The following AACS variants were observed in gnomAD, a reference collection of about 807,000 sequenced individuals.
The protein encoded by AACS is acetoacetate-CoA ligase.
A neutral mutation model predicts 83.1 loss-of-function variants in AACS; 69 were observed. That is an observed-to-expected ratio of 0.83 (90% CI 0.68 to 1.01). The LOEUF (loss-of-function observed/expected upper bound fraction) is 1.01. Ranked by LOEUF, AACS falls within the 50% of genes least tolerant of loss-of-function variation. The pLI is 0.00. For missense variants in AACS, 866 were observed against 882.2 expected (o/e 0.98, Z 0.23); for synonymous variants, 333 against 343.4 (o/e 0.97, Z 0.33).
chr12:125,126,660 C>A (rs1185878075), intron 12 of AACS: 1 of 151,524 alleles, frequency 6.6e-6, no homozygotes, highest in Non-Finnish European at 1.5e-5. Flanking sequence ...TGGCTTACTG[C>A]AGCCTCCACC....
intron 14 of AACS, among the ~76,000 whole-genome samples, chr12:125,133,084 T>C (rs1233989682): frequency 6.6e-6 from 1 of 152,254 alleles, no homozygotes; most frequent in African/African-American, 2.4e-5. Context: ...CTGAGGCAGA[T>C]GACTTCTGGC....
chr12:125,089,871 T>C (rs1355314534), intron 4 of AACS, among the ~76,000 whole-genome samples: 1 of 150,688 alleles, frequency 6.6e-6, no homozygotes, highest in Non-Finnish European at 1.5e-5. Context: ...CCATCCTGTC[T>C]ATACATTCTT....
At chr12:125,091,616 A>G in intron 5 of AACS, 93 bp downstream of exon 5, 2 of 1,296,776 alleles carry the variant, frequency 1.5e-6, no homozygotes, top group East Asian at 2.4e-5. Context: ...GGAGCCGGAC[A>G]GCAGCGTGAG....
chr12:125,104,627 A>G (rs1366051767), intron 7 of AACS, among the ~76,000 whole-genome samples: 1 of 152,120 alleles, frequency 6.6e-6, no homozygotes, highest in Non-Finnish European at 1.5e-5. Context: ...CTGTGTGTGC[A>G]GGGCATATTC....
intron 3 of AACS, among the ~76,000 whole-genome samples, chr12:125,085,021 A>G (rs1346376440): frequency 2.6e-5 from 4 of 151,860 alleles, no homozygotes; most frequent in Admixed American, 6.6e-5. Context: ...CCTATATAAC[A>G]TTCTTGAAAT....
In AACS at chr12:125,143,054, A is replaced by C. The variant is rs923913928; in HGVS notation, c.*825A>C. On this transcript the variant is annotated 3_prime_UTR_variant, in exon 18 of 18. Coordinates refer to ENST00000316519, the MANE Select transcript of AACS (RefSeq NM_023928.5). ...CGCATCCCTGTGCTGCCTCCACCTG[A>C]GAGTTGCTAGGGGGTTCTTGTCGAG... is the stretch of plus-strand genomic sequence containing the variant. The C allele has an allele frequency of 5.3e-5, 8 of 152,128 alleles. No individual in the cohort carries two copies. The highest frequency in any genetic ancestry group is 1.9e-4 in the African/African-American group (8 of 41,400). The allele number at this position is 152,128 out of a possible 1,614,324, so 9.4% of individuals were successfully genotyped here.
At chr12:125,133,937 CTGTCCAG>C (rs1164786303) in intron 14 of AACS, 59 bp from the exon 15 acceptor site, 2 of 1,544,104 alleles carry the variant, frequency 1.3e-6, no homozygotes, top group African/African-American at 2.7e-5. Context: ...CACCCAGCGT[CTGTCCAG>C]GCAGCCTGTC....
At position 125,065,701 on chromosome 12, in the gene AACS, C is replaced by G. The variant is rs1471745041; in HGVS notation, c.117C>G (p.Ala39=). ...GCTTCCGGGCGGCTGTGGGCGCCGC[C>G]TGCGGCCTGGCGCTGGGTGAGAGTC... The part of the protein sequence containing the change: ...MDRFRAAVGA[A]CGLALESYDD... The change falls in exon 1 of 18, where the codon GCC becomes GCG. Residue 39 remains alanine, a synonymous_variant. Transcript: ENST00000316519. 3 of 1,539,574 alleles carry G rather than the reference C, an allele frequency of 1.9e-6. No individual in the cohort carries two copies. The highest frequency in any genetic ancestry group is 2.6e-6 in the Non-Finnish European group (3 of 1,142,432).
At position 125,107,245 on chromosome 12, in the gene AACS, A is replaced by G. The variant is rs1424192352; in HGVS notation, c.892A>G (p.Lys298Glu). 6.2e-7 allele frequency: 1 copy of G among 1,613,948 alleles called. No homozygotes were observed. The highest frequency in any genetic ancestry group is 8.5e-7 in the Non-Finnish European group (1 of 1,180,030). Residue 298 changes from lysine (K) to glutamate (E), a missense_variant, in exon 8 of 18, where the codon AAG (lysine) becomes GAG (glutamate). Transcript: ENST00000316519. Reference sequence around the variant, plus strand: ...CTCATCGGGCACCACGGGCGCACCCAAGTGCATGGTGCATTCCGCTGGGGT... The same window carrying G: ...CTCATCGGGCACCACGGGCGCACCCGAGTGCATGGTGCATTCCGCTGGGGT... ...MFSSGTTGAP[K>E]CMVHSAGGTL...
intron 5 of AACS, 77 bp downstream of exon 5, chr12:125,091,600 C>T (rs1260911450): frequency 6.9e-7 from 1 of 1,459,512 alleles, no homozygotes; most frequent in African/African-American, 1.4e-5. Flanking sequence ...GGGCTGAATT[C>T]CCAGGGGAGC....
intron 4 of AACS, among the ~76,000 whole-genome samples, chr12:125,087,794 G>A (rs772746895): frequency 6.6e-6 from 1 of 152,138 alleles, no homozygotes; most frequent in Non-Finnish European, 1.5e-5. Flanking sequence ...ACCCTGCCCC[G>A]CCTCCCCCTT....
chr12:125,125,141 G>T, intron 12 of AACS, 117 bp downstream of exon 12: 1 of 1,445,904 alleles, frequency 6.9e-7, no homozygotes, highest in Non-Finnish European at 9.4e-7. Flanking sequence ...CAGCCAATAC[G>T]CACAGTCCCT....
intron 17 of AACS, chr12:125,138,883 G>C (rs1000645992): frequency 1.3e-5 from 2 of 152,242 alleles, no homozygotes; most frequent in Non-Finnish European, 2.9e-5. Flanking sequence ...GTGACACGGC[G>C]TGGCCCCAGC....
chr12:125,104,473 C>G (rs1956790576), intron 7 of AACS, among the ~76,000 whole-genome samples: 1 of 152,208 alleles, frequency 6.6e-6, no homozygotes, highest in Non-Finnish European at 1.5e-5. Flanking sequence ...GACCCACCTG[C>G]AGGGAGGTTG....
At chr12:125,103,569 G>A (rs368945108) in intron 7 of AACS, among the ~76,000 whole-genome samples, 18 of 152,328 alleles carry the variant, frequency 1.2e-4, no homozygotes, top group East Asian at 7.7e-4. Context: ...ATAAACACTC[G>A]TATATGTATT....
Position 125,103,005 on chromosome 12 carries a change from C to G in AACS, c.691C>G (p.Pro231Ala). The G allele has an allele frequency of 6.2e-7, 1 of 1,613,634 alleles. No homozygotes were observed. The highest frequency in any genetic ancestry group is 8.5e-7 in the Non-Finnish European group (1 of 1,179,880). The change falls in exon 7 of 18, where the codon CCA becomes GCA. Residue 231 changes from proline to alanine, a missense_variant. Transcript: ENST00000316519. ...TCTCCTCTCGCTCCTTCCAGGCCTA[C>G]CAGACTTGAAGAAAGTGGTGGTGAT... ...EKLQQVVKGL[P>A]DLKKVVVIPY...
chr12:125,067,640 TCTC>T (rs1565917749), intron 1 of AACS, among the ~76,000 whole-genome samples: 1 of 152,044 alleles, frequency 6.6e-6, no homozygotes, highest in Non-Finnish European at 1.5e-5. Flanking sequence ...TTCACGCAGT[TCTC>T]CTGCCTCAGC....
At position 125,103,058 on chromosome 12, in the gene AACS, A is replaced by G. The variant is rs766258476; in HGVS notation, c.744A>G (p.Ile248Met). The G allele has an allele frequency of 6.2e-7, 1 of 1,614,154 alleles. No homozygotes were observed. The highest frequency in any genetic ancestry group is 8.5e-7 in the Non-Finnish European group (1 of 1,180,030). ...CTTATGTGTCCTCCAGAGAGAACAT[A>G]GACCTTTCAAAGATTCCAAACAGGT... Reference protein sequence around the residue: ...VIPYVSSRENIDLSKIPNSVF... With the variant: ...VIPYVSSRENMDLSKIPNSVF... The change falls in exon 7 of 18, where the codon ATA becomes ATG. Residue 248 changes from isoleucine to methionine, a missense_variant. Physicochemically the swap from Ile to Met is conservative, Grantham distance 10. Coordinates refer to ENST00000316519, the MANE Select transcript of AACS (RefSeq NM_023928.5).
chr12:125,125,700 C>A (rs1417202289), intron 12 of AACS: 1 of 152,216 alleles, frequency 6.6e-6, no homozygotes, highest in African/African-American at 2.4e-5. Flanking sequence ...AAAAAATAGA[C>A]ACTACCTATA....
Sources: gnomAD v4.1 joint callset for allele counts (sites outside exome capture counted in the v4.1 genomes callset) on GRCh38, gnomAD v4.1.1 for gene constraint, MANE v1.5 for transcripts, NCBI Gene and HGNC (gene_info 2026-07-23, HGNC 2026-07-21) for gene names.